DDI2: variants seen among roughly 807,000 people sequenced by gnomAD.
DDI2 encodes DDI proteasomal shuttling factor 2.
In DDI2, 5 loss-of-function variants were observed where a neutral mutation model predicts 48.1. The ratio of observed to expected loss-of-function variants is 0.10; its 90% CI spans 0.05 to 0.22. DDI2 has a LOEUF of 0.22. DDI2 is among the 10% of genes least tolerant of loss of function. The probability of loss-of-function intolerance (pLI) is 1.00; values close to 1 mark genes in which losing one functional copy is unlikely to be tolerated. For missense variants in DDI2, 285 were observed against 506.2 expected (o/e 0.56, Z 4.19); for synonymous variants, 205 against 183.6 (o/e 1.12, Z -0.94).
intron 6 of DDI2, among the ~76,000 whole-genome samples, chr1:15,648,777 G>A (rs545741057): frequency 7.0e-6 from 1 of 143,804 alleles, no homozygotes; most frequent in Non-Finnish European, 1.5e-5. Flanking sequence ...AGGGGAGGGA[G>A]GATTGCTTGA....
At chr1:15,659,712 T>C (rs1640329537) in intron 9 of DDI2, 125 bp from the exon 10 acceptor site, 4 of 944,186 alleles carry the variant, frequency 4.2e-6, no homozygotes, top group Non-Finnish European at 5.9e-6. Flanking sequence ...TCTATTTGTG[T>C]AAGAGAAACC....
At chr1:15,633,760 G>A (rs1388295762) in intron 4 of DDI2, 195 bp downstream of exon 4, 2 of 751,646 alleles carry the variant, frequency 2.7e-6, no homozygotes, top group Non-Finnish European at 4.3e-6. Context: ...CAAAGATATA[G>A]GTGCTTAGTT....
At chr1:15,623,669 T>G (rs1639706637) in intron 1 of DDI2, among the ~76,000 whole-genome samples, 1 of 152,026 alleles carries the variant, frequency 6.6e-6, no homozygotes, top group Non-Finnish European at 1.5e-5. Flanking sequence ...TCCCAAAGTT[T>G]TGGAATTAAG....
At chr1:15,642,659 C>G (rs1259760992) in intron 5 of DDI2, among the ~76,000 whole-genome samples, 3 of 152,184 alleles carry the variant, frequency 2.0e-5, no homozygotes, top group Non-Finnish European at 2.9e-5. Context: ...CACTGTGGCT[C>G]ACACCTGTAA....
intron 1 of DDI2, among the ~76,000 whole-genome samples, chr1:15,620,385 T>C (rs779035256): frequency 6.6e-6 from 1 of 152,184 alleles, no homozygotes; most frequent in Non-Finnish European, 1.5e-5. Context: ...AACATCACTA[T>C]AGTTTTTACC....
intron 6 of DDI2, 103 bp from the exon 7 acceptor site, chr1:15,649,617 G>A (rs1268043805): frequency 1.8e-6 from 2 of 1,134,120 alleles, no homozygotes; most frequent in African/African-American, 1.6e-5. Context: ...GTTGCCATCA[G>A]CCAGGATTAT....
chr1:15,665,908 A>G lies in DDI2; in HGVS notation c.*6118A>G, dbSNP rs1440285809. 1 of 152,150 alleles carries G rather than the reference A, an allele frequency of 6.6e-6. No individual in the cohort carries two copies. Among genetic ancestry groups the G allele is most frequent in the African/African-American group, 2.4e-5 (1 of 41,434 alleles). The allele number at this position is 152,150 out of a possible 1,614,324, so 9.4% of individuals were successfully genotyped here. A position where few individuals can be genotyped will look rare whatever the true frequency, so the allele number is the denominator to read the frequency against. ...CCAAGAGAAGCTGACCAGATTATGC[A>G]TTCTACTGTTCTCTAGCACAAGTAC... On this transcript the variant is annotated 3_prime_UTR_variant, in exon 10 of 10. Coordinates refer to ENST00000480945, the MANE Select transcript of DDI2 (RefSeq NM_032341.5).
intron 2 of DDI2, among the ~76,000 whole-genome samples, chr1:15,628,048 C>T (rs376885878): frequency 1.3e-5 from 2 of 151,746 alleles, no homozygotes; most frequent in African/African-American, 2.4e-5. Flanking sequence ...TTATTAATTC[C>T]GGAATTTACT....
Position 15,666,764 on chromosome 1 carries a change from T to G in DDI2, c.*6974T>G, listed in dbSNP as rs910851159. 9.9e-5 allele frequency: 15 copies of G among 152,176 alleles called. No individual in the cohort carries two copies. Among genetic ancestry groups the G allele is most frequent in the Non-Finnish European group, 1.8e-4 (12 of 68,042 alleles). 9.4% of individuals were successfully genotyped at this position (152,176 alleles called of 1,614,324 possible). A position where few individuals can be genotyped will look rare whatever the true frequency, so the allele number is the denominator to read the frequency against. On this transcript the variant is annotated 3_prime_UTR_variant, in exon 10 of 10. Coordinates refer to ENST00000480945, the MANE Select transcript of DDI2 (RefSeq NM_032341.5). ...TCTAGAAGGGAGACGTGAAACAAAT[T>G]TTAGCTTCAAAAGCAACATCTATTT...
rs1640187595 is a variant in DDI2 at position 15,651,796 on chromosome 1, G to T, written c.1084G>T (p.Ala362Ser). 6.2e-7 allele frequency: 1 copy of T among 1,614,102 alleles called. No individual in the cohort carries two copies. The highest frequency in any genetic ancestry group is 1.3e-5 in the African/African-American group (1 of 75,026). Residue 362 changes from alanine (A) to serine (S), a missense_variant, in exon 8 of 10, where the codon GCC (alanine) becomes TCC (serine). By Grantham distance (99) the Ala-to-Ser change is moderately conservative. This residue lies in a region of DDI2 where 66 missense variants were observed against 87.3 expected (regional missense o/e 0.76). Coordinates refer to ENST00000480945, the MANE Select transcript of DDI2 (RefSeq NM_032341.5). ...TCCTGAGGGAGAGCTACCAGAGTGT[G>T]CCCGGTTGGCATATGGGGCTGGAAG... ...FLPEGELPEC[A>S]RLAYGAGRED...
intron 4 of DDI2, among the ~76,000 whole-genome samples, chr1:15,635,369 G>A (rs1639911679): frequency 1.3e-5 from 2 of 152,070 alleles, no homozygotes; most frequent in African/African-American, 4.8e-5. Flanking sequence ...TTCTTTCTAG[G>A]GCTTGAATGA....
rs1469387123 is a variant in DDI2, at chr1:15,659,814, C to T, written c.*47-23C>T. On this transcript the variant is annotated intron_variant, in intron 9 of 9. Transcript: ENST00000480945. ...TAGTCACCTGCTAATTAATCTTTTT[C>T]CTTTCCCCTGTGTTCCATATAGAGA... 6 of 1,486,232 alleles carry T rather than the reference C, an allele frequency of 4.0e-6. No individual in the cohort carries two copies. In the Admixed American group the frequency reaches 1.2e-4, roughly 31 times the overall value. The allele number at this position is 1,486,232 out of a possible 1,614,324, so 92.1% of individuals were successfully genotyped here. A position where few individuals can be genotyped will look rare whatever the true frequency, so the allele number is the denominator to read the frequency against.
rs536468292 is a variant in DDI2, at chr1:15,641,792, T to C, written c.761-1730T>C. On this transcript the variant is annotated intron_variant, in intron 5 of 9. Transcript: ENST00000480945. ...CAACATGCTGAAGCCCCATCTCTAC[T>C]AAAAATACAAAAAATAGCCGGGCAT... 5.9e-5 allele frequency among the ~76,000 whole-genome samples: 9 copies of C among 151,624 alleles called. No individual in the cohort carries two copies. In the East Asian group the frequency reaches 1.8e-3, roughly 30 times the overall value.
intron 6 of DDI2, among the ~76,000 whole-genome samples, chr1:15,643,961 C>A (rs574329385): frequency 8.5e-5 from 13 of 152,236 alleles, no homozygotes; most frequent in African/African-American, 3.1e-4. Flanking sequence ...TTCTAAATAA[C>A]ATGTTTATTT....
intron 5 of DDI2, among the ~76,000 whole-genome samples, chr1:15,640,309 A>G (rs1352440062): frequency 6.6e-6 from 1 of 152,192 alleles, no homozygotes; most frequent in East Asian, 1.9e-4. Flanking sequence ...TCCTCAGAAT[A>G]TCTCTATGTA....
chr1:15,618,974 TAGA>T (rs1236217036), intron 1 of DDI2, among the ~76,000 whole-genome samples: 2 of 152,252 alleles, frequency 1.3e-5, no homozygotes, highest in Non-Finnish European at 2.9e-5. Flanking sequence ...ATGTGAACTT[TAGA>T]ACCTTGGCAT....
rs145098407 is a variant in DDI2, at chr1:15,661,219, G to C, written c.*1429G>C. On this transcript the variant is annotated 3_prime_UTR_variant, in exon 10 of 10. Coordinates refer to ENST00000480945, the MANE Select transcript of DDI2 (RefSeq NM_032341.5). ...AAATGTAAACTTCAGGAGTCTAGGT[G>C]ATGGCCTGTCAACCGATAAGGAAGG... The C allele has an allele frequency of 2.7e-5, 43 of 1,614,194 alleles. No homozygotes were observed. In the African/African-American group the frequency reaches 5.3e-4, roughly 20 times the overall value.
At chr1:15,635,257 G>A (rs1405442643) in intron 4 of DDI2, among the ~76,000 whole-genome samples, 5 of 151,334 alleles carry the variant, frequency 3.3e-5, no homozygotes, top group Non-Finnish European at 4.4e-5. Context: ...AAATATAATT[G>A]TACACTAGAA....
chr1:15,623,336 C>T (rs1639699133), intron 1 of DDI2, among the ~76,000 whole-genome samples: 3 of 151,048 alleles, frequency 2.0e-5, no homozygotes, highest in African/African-American at 7.3e-5. Flanking sequence ...TATGATACTC[C>T]TGGAGTAATG....
Sources: gnomAD v4.1 joint callset for allele counts (sites outside exome capture counted in the v4.1 genomes callset) on GRCh38, gnomAD v4.1.1 for gene constraint, gnomAD v4.1.1 regional missense constraint, MANE v1.5 for transcripts, NCBI Gene and HGNC (gene_info 2026-07-23, HGNC 2026-07-21) for gene names.